The following CLVS1 variants were observed in gnomAD, a reference collection of about 807,000 sequenced individuals.
CLVS1 encodes clavesin 1.
A neutral mutation model predicts 33.1 loss-of-function variants in CLVS1; 10 were observed. That is an observed-to-expected ratio of 0.30 (90% CI 0.19 to 0.51). The LOEUF is 0.51. Ranked by LOEUF, CLVS1 falls within the 20% of genes least tolerant of loss-of-function variation. The pLI is 0.97. For synonymous variants in CLVS1, 163 were observed against 166.1 expected (o/e 0.98, Z 0.14); for missense variants, 343 against 433.4 (o/e 0.79, Z 1.85).
chr8:61,307,060 G>A lies in CLVS1; in HGVS notation c.455+6778G>A, dbSNP rs760309055. ...CTCAAGATATAAGAAATGAATGGGG[G>A]GTTGTTGGTGAATCCAGATAATAAA... On this transcript the variant is annotated intron_variant, in intron 2 of 5. Transcript: ENST00000325897. 5.3e-5 allele frequency among the ~76,000 whole-genome samples: 8 copies of A among 152,246 alleles called. No homozygotes were observed. The South Asian group carries it at 1.7e-3, about 32-fold the overall frequency.
the CLVS1 span, among the ~76,000 whole-genome samples, chr8:61,039,758 T>C: frequency 6.6e-6 from 1 of 152,176 alleles, no homozygotes; most frequent in Non-Finnish European, 1.5e-5. Context: ...CAGGCTGATT[T>C]TGAATTCCTG....
At chr8:61,450,035 G>C (rs887829109) in intron 3 of CLVS1, among the ~76,000 whole-genome samples, 2 of 152,220 alleles carry the variant, frequency 1.3e-5, no homozygotes, top group African/African-American at 4.8e-5. Context: ...CAGCAGAAGA[G>C]TGGCTGTGAG....
chr8:61,298,010 T>C (rs961295039), intron 1 of CLVS1, among the ~76,000 whole-genome samples: 9 of 152,176 alleles, frequency 5.9e-5, no homozygotes, highest in African/African-American at 2.2e-4. Context: ...TGTTCTAGTA[T>C]CGTTATTATT....
intron 5 of CLVS1, among the ~76,000 whole-genome samples, chr8:61,471,279 C>A (rs540735253): frequency 7.2e-5 from 11 of 152,302 alleles, no homozygotes; most frequent in African/African-American, 2.6e-4. Flanking sequence ...GTGAGAAAGT[C>A]AACTGCAGAG....
At chr8:61,239,474 T>C (rs7827771) in intron 2 of CLVS1, among the ~76,000 whole-genome samples, 8,888 of 152,294 alleles carry the variant, frequency 0.058, 436 homozygotes, top group African/African-American at 0.13. Context: ...GGCTCACGCC[T>C]GTAATCCTAG....
intron 1 of CLVS1, among the ~76,000 whole-genome samples, chr8:61,124,173 T>C (rs138416903): frequency 3.9e-5 from 6 of 152,368 alleles, no homozygotes; most frequent in African/African-American, 1.4e-4. Context: ...TTATACTTCA[T>C]GTTCAAATCC....
intron 2 of CLVS1, among the ~76,000 whole-genome samples, chr8:61,190,569 A>G (rs533762204): frequency 2.0e-5 from 3 of 152,212 alleles, no homozygotes; most frequent in Non-Finnish European, 4.4e-5. Context: ...CCTTCAAAAA[A>G]TCAATGAATC....
the CLVS1 span, among the ~76,000 whole-genome samples, chr8:60,973,231 T>A: frequency 6.6e-6 from 1 of 152,248 alleles, no homozygotes; most frequent in African/African-American, 2.4e-5. Context: ...TTTAAAAAAA[T>A]GTTTAGTGAG....
chr8:61,377,075 A>T, intron 3 of CLVS1: 1 of 270,846 alleles, frequency 3.7e-6, no homozygotes, highest in Non-Finnish European at 6.9e-6. Context: ...CACAAAAATT[A>T]AAACTAGGAA....
chr8:61,009,034 T>C, the CLVS1 span, among the ~76,000 whole-genome samples: 1 of 152,228 alleles, frequency 6.6e-6, no homozygotes, highest in South Asian at 2.1e-4. Context: ...CTTTGGTCAT[T>C]TTTTCTGTTA....
chr8:61,039,395 G>A, the CLVS1 span, among the ~76,000 whole-genome samples: 1 of 152,202 alleles, frequency 6.6e-6, no homozygotes, highest in African/African-American at 2.4e-5. Flanking sequence ...AAGCTATGGG[G>A]CCTTCTGTGG....
intron 2 of CLVS1, among the ~76,000 whole-genome samples, chr8:61,372,224 TA>T (rs1295976764): frequency 6.6e-6 from 1 of 152,180 alleles, no homozygotes; most frequent in African/African-American, 2.4e-5. Flanking sequence ...AAACCATATA[TA>T]AATGTAAATG....
intron 5 of CLVS1, among the ~76,000 whole-genome samples, chr8:61,471,816 T>A (rs77165396): frequency 6.6e-6 from 1 of 152,196 alleles, no homozygotes; most frequent in Non-Finnish European, 1.5e-5. Flanking sequence ...CTCCTTTTGC[T>A]CCAGCCCTCA....
At chr8:61,087,645 A>T (rs1805151467) in intron 1 of CLVS1, among the ~76,000 whole-genome samples, 1 of 152,166 alleles carries the variant, frequency 6.6e-6, no homozygotes, top group Admixed American at 6.5e-5. Context: ...CTAATTTCTG[A>T]TTTCAGTCAA....
At chr8:61,270,514 T>C (rs1296119308) in intron 2 of CLVS1, among the ~76,000 whole-genome samples, 1 of 152,238 alleles carries the variant, frequency 6.6e-6, no homozygotes, top group Admixed American at 6.5e-5. Context: ...GGTATCAGAA[T>C]GCTGCTGGCC....
At chr8:61,438,423 T>A (rs144876145) in intron 3 of CLVS1, among the ~76,000 whole-genome samples, 6 of 152,370 alleles carry the variant, frequency 3.9e-5, no homozygotes, top group African/African-American at 1.2e-4. Flanking sequence ...TTATCCAGTC[T>A]ATCATTGATG....
intron 2 of CLVS1, chr8:61,300,650 A>G (rs2978557): frequency 0.28 from 46,520 of 168,088 alleles, 7,791 homozygotes; most frequent in Non-Finnish European, 0.35. Flanking sequence ...AGTATTTTCA[A>G]TGCATAAAAT....
At position 61,499,735 on chromosome 8, in the gene CLVS1, C is replaced by CT. The variant is rs997390927; in HGVS notation, c.*202dup. On this transcript the variant is annotated 3_prime_UTR_variant, in exon 6 of 6. Coordinates refer to ENST00000325897, the MANE Select transcript of CLVS1 (RefSeq NM_173519.3). Reference sequence around the variant, plus strand: ...AAGTTGGACAAAGACTTGAGAGATGCTTTTTTTTTCCCCCAGTGAGGGGAC... The same window carrying CT: ...AAGTTGGACAAAGACTTGAGAGATGCTTTTTTTTTTCCCCCAGTGAGGGGAC... The CT allele has an allele frequency of 7.8e-4, 313 of 403,782 alleles. 1 individual carries two copies. The highest frequency in any genetic ancestry group is 5.9e-3 in the Middle Eastern group (9 of 1,528). The allele number at this position is 403,782 out of a possible 1,614,324, so 25.0% of individuals were successfully genotyped here.
At chr8:61,148,352 A>C (rs952212868) in intron 2 of CLVS1, among the ~76,000 whole-genome samples, 3 of 152,198 alleles carry the variant, frequency 2.0e-5, no homozygotes, top group Non-Finnish European at 4.4e-5. Context: ...TGACATATGG[A>C]AGGACAGTTA....
Sources: allele counts gnomAD v4.1 joint callset (sites outside exome capture counted in the v4.1 genomes callset), GRCh38; gene constraint gnomAD v4.1.1; transcripts MANE v1.5; gene names NCBI Gene and HGNC (gene_info 2026-07-23, HGNC 2026-07-21).